PTPRD: variants seen among roughly 807,000 people sequenced by gnomAD.
The protein encoded by PTPRD is receptor-type tyrosine-protein phosphatase delta.
PTPRD carries 34 observed loss-of-function variants against 214.5 expected under a neutral mutation model. That is an observed-to-expected ratio of 0.16 (90% confidence interval 0.12 to 0.21). The LOEUF (loss-of-function observed/expected upper bound fraction) is 0.21, where lower values mean the gene tolerates loss of function less well. Among genes scored for constraint, PTPRD ranks in the 10% least tolerant of loss-of-function variants. The pLI is 1.00. For missense variants in PTPRD, 2,545 were observed against 2,398.7 expected (o/e 1.06, Z -1.27); for synonymous variants, 1,128 against 845.7 (o/e 1.33, Z -5.79).
chr9:9,480,854 G>A (rs1156358132), intron 8 of PTPRD, among the ~76,000 whole-genome samples: 1 of 152,054 alleles, frequency 6.6e-6, no homozygotes, highest in African/African-American at 2.4e-5. Context: ...TATCATATTT[G>A]AAAGAAGAAA....
intron 34 of PTPRD, 81 bp downstream of exon 34, chr9:8,449,644 T>C (rs1360414674): frequency 1.6e-6 from 2 of 1,234,262 alleles, no homozygotes. Flanking sequence ...AATAAAGTGA[T>C]ACCTTCAACT....
intron 7 of PTPRD, among the ~76,000 whole-genome samples, chr9:9,685,342 C>T (rs1283787396): frequency 1.3e-5 from 2 of 150,968 alleles, no homozygotes; most frequent in Non-Finnish European, 3.0e-5. Flanking sequence ...TGCACATATA[C>T]ACTTAAACAT....
chr9:10,266,224 C>G (rs777498151), intron 3 of PTPRD, among the ~76,000 whole-genome samples: 7 of 148,122 alleles, frequency 4.7e-5, no homozygotes, highest in Non-Finnish European at 7.5e-5. Flanking sequence ...AGTTGCTAAG[C>G]AAAATTATAA....
At chr9:8,900,597 T>G (rs951429059) in intron 11 of PTPRD, among the ~76,000 whole-genome samples, 20 of 152,208 alleles carry the variant, frequency 1.3e-4, no homozygotes, top group African/African-American at 4.3e-4. Context: ...ATTTTCCTTT[T>G]GGATTACATT....
intron 14 of PTPRD, among the ~76,000 whole-genome samples, chr9:8,581,186 A>G (rs974669459): frequency 4.6e-5 from 7 of 151,862 alleles, no homozygotes; most frequent in African/African-American, 7.2e-5. Context: ...ATGCCTTAGG[A>G]ATATATTATA....
intron 11 of PTPRD, among the ~76,000 whole-genome samples, chr9:8,791,216 T>G (rs2096218873): frequency 6.6e-6 from 1 of 150,972 alleles, no homozygotes; most frequent in Non-Finnish European, 1.5e-5. Context: ...AGAAGACAAT[T>G]TTTTTTTTCC....
At chr9:9,661,490 G>T (rs1338088229) in intron 7 of PTPRD, among the ~76,000 whole-genome samples, 4 of 151,660 alleles carry the variant, frequency 2.6e-5, no homozygotes, top group Non-Finnish European at 4.4e-5. Context: ...GACAATAATT[G>T]CTACCATTTA....
At chr9:8,457,295 C>T (rs918793764) in intron 33 of PTPRD, among the ~76,000 whole-genome samples, 1 of 152,026 alleles carries the variant, frequency 6.6e-6, no homozygotes, top group African/African-American at 2.4e-5. Context: ...AACGTTGCTA[C>T]TATCTTATCT....
chr9:9,532,977 G>A (rs1270844996), intron 8 of PTPRD, among the ~76,000 whole-genome samples: 2 of 152,120 alleles, frequency 1.3e-5, no homozygotes, highest in Non-Finnish European at 2.9e-5. Context: ...TCAAATAATA[G>A]TGAAGAATTC....
chr9:8,956,005 G>A (rs1382648568), intron 11 of PTPRD, among the ~76,000 whole-genome samples: 1 of 151,818 alleles, frequency 6.6e-6, no homozygotes, highest in African/African-American at 2.4e-5. Flanking sequence ...ATTCCATCAA[G>A]TATCCTTTAG....
At chr9:10,242,490 C>T (rs755264561) in intron 3 of PTPRD, among the ~76,000 whole-genome samples, 5 of 151,910 alleles carry the variant, frequency 3.3e-5, no homozygotes, top group Non-Finnish European at 5.9e-5. Context: ...CAGGTACCAA[C>T]GTTCAGTGTT....
intron 2 of PTPRD, among the ~76,000 whole-genome samples, chr9:10,385,599 C>T (rs573785004): frequency 1.6e-4 from 25 of 151,644 alleles, no homozygotes; most frequent in Non-Finnish European, 3.2e-4. Flanking sequence ...GCTTTTTTCT[C>T]GGAGAGTCCT....
chr9:9,455,889 G>C (rs2092921679), intron 8 of PTPRD, among the ~76,000 whole-genome samples: 1 of 151,752 alleles, frequency 6.6e-6, no homozygotes, highest in Non-Finnish European at 1.5e-5. Flanking sequence ...AAGGCAGTGA[G>C]CAAGGCATTG....
intron 8 of PTPRD, among the ~76,000 whole-genome samples, chr9:9,461,338 C>T (rs763979413): frequency 2.0e-5 from 3 of 151,968 alleles, no homozygotes; most frequent in African/African-American, 7.2e-5. Context: ...TAAATAAAAT[C>T]ATATCATTGT....
intron 8 of PTPRD, among the ~76,000 whole-genome samples, chr9:9,573,122 G>T (rs923564189): frequency 6.6e-5 from 10 of 151,584 alleles, no homozygotes; most frequent in African/African-American, 1.7e-4. Flanking sequence ...ATTAGAAAGG[G>T]TTAATAATTT....
intron 3 of PTPRD, among the ~76,000 whole-genome samples, chr9:10,072,799 T>C (rs2098053246): frequency 6.6e-6 from 1 of 152,152 alleles, no homozygotes; most frequent in Non-Finnish European, 1.5e-5. Context: ...TCTGCAAAGC[T>C]ACATGAAGTC....
In PTPRD at chr9:10,560,681, A is replaced by C. The variant is rs138044350; in HGVS notation, c.-600+51717T>G. Among the ~76,000 whole-genome samples the C allele has an allele frequency of 3.3e-5, 5 of 152,342 alleles. No homozygotes were observed. In the East Asian group the frequency reaches 5.8e-4, roughly 18 times the overall value. ...AAACTCAAAGAAATATCATACATCC[A>C]ATCCCCAGAATACAGTGCATAAAGT... On this transcript the variant is annotated intron_variant, in intron 2 of 45. Coordinates refer to ENST00000381196, the MANE Select transcript of PTPRD (RefSeq NM_002839.4).
chr9:10,412,055 G>A (rs1319942262), intron 2 of PTPRD, among the ~76,000 whole-genome samples: 1 of 151,700 alleles, frequency 6.6e-6, no homozygotes, highest in Admixed American at 6.6e-5. Context: ...AATGCTGAGT[G>A]TCCATTTCAT....
chr9:9,198,762 T>C (rs1297085235), intron 9 of PTPRD, among the ~76,000 whole-genome samples: 1 of 152,210 alleles, frequency 6.6e-6, no homozygotes, highest in Non-Finnish European at 1.5e-5. Context: ...CCATAATCAG[T>C]GTCTTACCTT....
Sources: allele counts gnomAD v4.1 joint callset (sites outside exome capture counted in the v4.1 genomes callset), GRCh38; gene constraint gnomAD v4.1.1; transcripts MANE v1.5; gene names NCBI Gene and HGNC (gene_info 2026-07-23, HGNC 2026-07-21).